The following NOSTRIN variants were observed in gnomAD, a reference collection of about 807,000 sequenced individuals.
The protein encoded by NOSTRIN is BM247 homolog.
A neutral mutation model predicts 59.0 loss-of-function variants in NOSTRIN; 63 were observed. That is an observed-to-expected ratio of 1.07 (90% CI 0.87 to 1.32). The LOEUF is 1.32. Among genes scored for constraint, NOSTRIN ranks in the 40% most tolerant of loss-of-function variants. NOSTRIN has a pLI of 0.00. For missense variants in NOSTRIN, 512 were observed against 473.1 expected, an observed-to-expected ratio of 1.08 and a Z score of -0.76; for synonymous variants, 200 against 165.4, an observed-to-expected ratio of 1.21 and a Z score of -1.61.
chr2:168,852,735 T>G lies in NOSTRIN; in HGVS notation c.855+1331T>G, dbSNP rs1363484138. On this transcript the variant is annotated intron_variant, in intron 10 of 15. Coordinates refer to ENST00000317647, the MANE Select transcript of NOSTRIN (RefSeq NM_001039724.4). ...ATCAGGCACTGCAGTAAACCCTGAT[T>G]GGCTTTCCCTTTCCCCACCCTTCAG... Among the ~76,000 whole-genome samples the G allele has an allele frequency of 2.6e-5, 4 of 152,272 alleles. No homozygotes were observed. In the South Asian group the frequency reaches 8.3e-4, roughly 32 times the overall value.
At chr2:168,814,803 T>C (rs1436258433) in intron 2 of NOSTRIN, among the ~76,000 whole-genome samples, 2 of 152,226 alleles carry the variant, frequency 1.3e-5, no homozygotes, top group Non-Finnish European at 2.9e-5. Context: ...CAGTGGCTCA[T>C]GCCTGTAATC....
intron 6 of NOSTRIN, among the ~76,000 whole-genome samples, chr2:168,833,143 T>G (rs968241275): frequency 1.3e-5 from 2 of 152,204 alleles, no homozygotes; most frequent in Non-Finnish European, 2.9e-5. Flanking sequence ...GAACATAAAA[T>G]TATTGGGCTA....
chr2:168,857,342 A>C (rs895919907), intron 12 of NOSTRIN, among the ~76,000 whole-genome samples: 3 of 152,212 alleles, frequency 2.0e-5, no homozygotes, highest in Non-Finnish European at 4.4e-5. Context: ...TCGGAGAATA[A>C]CAGGGGAAAG....
rs145416817 is a variant in NOSTRIN at position 168,844,684 on chromosome 2, C to G, written c.630+1567C>G. On this transcript the variant is annotated intron_variant, in intron 8 of 15. Transcript: ENST00000317647. The stretch of plus-strand genomic sequence containing the variant: ...AGGAGATCGAGACCATCCTGGCTAA[C>G]ACGGCGAAACCCCGTCTCTACTAAA... Among the ~76,000 whole-genome samples, 441 of 152,210 alleles carry G rather than the reference C, an allele frequency of 2.9e-3. 3 individuals are homozygous for G. Among genetic ancestry groups the G allele is most frequent in the African/African-American group, 0.01 (420 of 41,536 alleles).
At chr2:168,804,357 G>A (rs529300514) in intron 1 of NOSTRIN, among the ~76,000 whole-genome samples, 14 of 152,070 alleles carry the variant, frequency 9.2e-5, no homozygotes, top group Non-Finnish European at 1.8e-4. Context: ...AAAAGTATCC[G>A]GGAGTCATGG....
chr2:168,818,290 A>G, intron 2 of NOSTRIN: 1 of 386,002 alleles, frequency 2.6e-6, no homozygotes, highest in Non-Finnish European at 5.2e-6. Context: ...AGTAGCTAGG[A>G]CTGCAGGTGT....
upstream of NOSTRIN, among the ~76,000 whole-genome samples, chr2:168,796,286 G>A (rs1355463666): frequency 2.6e-5 from 4 of 152,222 alleles, no homozygotes; most frequent in Non-Finnish European, 4.4e-5. Flanking sequence ...ATGTTAAGGT[G>A]TGTCAAGACG....
intron 3 of NOSTRIN, 50 bp from the exon 4 acceptor site, chr2:168,828,108 T>A (rs1323463152): frequency 8.1e-6 from 7 of 868,902 alleles, no homozygotes; most frequent in Admixed American, 3.4e-5. Context: ...ACATCCTATT[T>A]CCTAGGAAAA....
At position 168,844,865 on chromosome 2, in the gene NOSTRIN, G is replaced by A. The variant is rs145692745; in HGVS notation, c.630+1748G>A. On this transcript the variant is annotated intron_variant, in intron 8 of 15. Coordinates refer to ENST00000317647, the MANE Select transcript of NOSTRIN (RefSeq NM_001039724.4). The stretch of plus-strand genomic sequence containing the variant: ...AGCCTAGGCGACAGAGCAAGACTCC[G>A]TCTCAAAAAGAAAAAAAAAAAAAGA... Among the ~76,000 whole-genome samples, 655 of 120,570 alleles carry A rather than the reference G, an allele frequency of 5.4e-3. 11 individuals carry two copies. The highest frequency in any genetic ancestry group is 0.02 in the African/African-American group (596 of 29,352). 79.1% of individuals were successfully genotyped at this position (120,570 alleles called of 152,430 possible). A position where few individuals can be genotyped will look rare whatever the true frequency, so the allele number is the denominator to read the frequency against.
chr2:168,826,664 AG>A (rs1687080084), intron 3 of NOSTRIN, among the ~76,000 whole-genome samples: 1 of 152,236 alleles, frequency 6.6e-6, no homozygotes. Flanking sequence ...AGCTCCTCCA[AG>A]GGGCAAATGT....
chr2:168,817,855 A>G (rs1686495786), intron 2 of NOSTRIN, among the ~76,000 whole-genome samples: 2 of 152,228 alleles, frequency 1.3e-5, no homozygotes, highest in Non-Finnish European at 2.9e-5. Flanking sequence ...AGCCACTCCA[A>G]TGACAGAGCT....
At chr2:168,789,984 TAGTC>T (rs768457219) in intron 2 of NOSTRIN, among the ~76,000 whole-genome samples, 2 of 152,194 alleles carry the variant, frequency 1.3e-5, no homozygotes, top group Non-Finnish European at 2.9e-5. Flanking sequence ...CGCTGGTTTT[TAGTC>T]AGGCCACAGT....
chr2:168,845,089 G>GGA (rs1688332648), intron 8 of NOSTRIN, among the ~76,000 whole-genome samples: 1 of 151,760 alleles, frequency 6.6e-6, no homozygotes, highest in Non-Finnish European at 1.5e-5. Context: ...GAACAAATGA[G>GGA]AAAAAATTCC....
At chr2:168,832,256 G>C (rs1017677226) in intron 6 of NOSTRIN, among the ~76,000 whole-genome samples, 1 of 152,160 alleles carries the variant, frequency 6.6e-6, no homozygotes, top group African/African-American at 2.4e-5. Context: ...ACGATCTGGC[G>C]TGGGAAGCTA....
rs142557808 is a variant in NOSTRIN at position 168,835,448 on chromosome 2, T to C, written c.504+1123T>C. ...TCTCATTTCAGTGTTTGCCCTTTCA[T>C]GTGGGTAGTAACAAACTCACAACCA... On this transcript the variant is annotated intron_variant, in intron 7 of 15. Coordinates refer to ENST00000317647, the MANE Select transcript of NOSTRIN (RefSeq NM_001039724.4). Among the ~76,000 whole-genome samples, 1,437 of 152,346 alleles carry C rather than the reference T, an allele frequency of 9.4e-3. 21 individuals carry two copies. The highest frequency in any genetic ancestry group is 0.032 in the African/African-American group (1,344 of 41,562).
intron 2 of NOSTRIN, among the ~76,000 whole-genome samples, chr2:168,816,423 T>C (rs1428476986): frequency 2.0e-5 from 3 of 152,118 alleles, no homozygotes; most frequent in Admixed American, 1.3e-4. Flanking sequence ...CGTCTCCCCA[T>C]GATCCCTGCC....
intron 2 of NOSTRIN, among the ~76,000 whole-genome samples, chr2:168,821,848 A>G (rs1321399114): frequency 2.0e-5 from 3 of 152,256 alleles, no homozygotes; most frequent in Non-Finnish European, 4.4e-5. Flanking sequence ...CAGGAAGGGA[A>G]ATCGGAGAGG....
intron 9 of NOSTRIN, 28 bp from the exon 10 acceptor site, chr2:168,851,251 C>A (rs887173961): frequency 3.1e-6 from 5 of 1,613,838 alleles, no homozygotes; most frequent in Non-Finnish European, 1.7e-6. Context: ...TCTTCGACAA[C>A]CTTATTCTGT....
chr2:168,863,780 A>ACAAT (rs1197188619), intron 15 of NOSTRIN: 10 of 379,110 alleles, frequency 2.6e-5, no homozygotes, highest in South Asian at 1.1e-4. Flanking sequence ...AACACGCCAA[A>ACAAT]CAATCAAAAA....
Sources: allele counts gnomAD v4.1 joint callset (sites outside exome capture counted in the v4.1 genomes callset), GRCh38; gene constraint gnomAD v4.1.1; transcripts MANE v1.5; gene names NCBI Gene and HGNC (gene_info 2026-07-23, HGNC 2026-07-21).